The following ZMYND8 variants were observed in gnomAD, a reference collection of about 807,000 sequenced individuals.
ZMYND8 encodes the protein zinc finger MYND-type containing 8.
A neutral mutation model predicts 140.8 loss-of-function variants in ZMYND8; 37 were observed. That is an observed-to-expected ratio of 0.26 (90% CI 0.20 to 0.35). The LOEUF (loss-of-function observed/expected upper bound fraction) is 0.35, where lower values mean the gene tolerates loss of function less well. Ranked by LOEUF, ZMYND8 falls within the 10% of genes least tolerant of loss-of-function variation. The pLI, the probability that ZMYND8 is intolerant of heterozygous loss-of-function variation, is 1.00. For synonymous variants in ZMYND8, 592 were observed against 597.1 expected, an observed-to-expected ratio of 0.99 and a Z score of 0.12; for missense variants, 1,068 against 1,570.0, an observed-to-expected ratio of 0.68 and a Z score of 5.40.
rs774806100 is a variant in ZMYND8, at chr20:47,212,695, T to C, written c.3515A>G (p.Tyr1172Cys). Residue 1172 changes from tyrosine to cysteine, a missense_variant, in exon 22 of 23, where the codon TAT (tyrosine) becomes TGT (cysteine). Tyr to Cys is a radical substitution (Grantham distance 194). Transcript: ENST00000471951. Reference protein sequence around the residue: ...VSKRCDKQPAYAPTTTDHQPH... With the variant: ...VSKRCDKQPACAPTTTDHQPH... ...CTGGTGGTCTGTGGTGGTTGGGGCA[T>C]AGGCAGGTTGCTTGTCACACCTTTT... 5 of 1,613,286 alleles carry C rather than the reference T, an allele frequency of 3.1e-6. No homozygotes were observed. The highest frequency in any genetic ancestry group is 2.7e-5 in the African/African-American group (2 of 74,852).
rs2077784644 is a variant in ZMYND8, at chr20:47,298,408, G to A, written c.453+321C>T. 3.0e-6 allele frequency: 3 copies of A among 985,292 alleles called. No homozygotes were observed. Among genetic ancestry groups the A allele is most frequent in the Admixed American group, 1.2e-4 (2 of 16,260 alleles). 61.0% of individuals were successfully genotyped at this position (985,292 alleles called of 1,614,324 possible). On this transcript the variant is annotated intron_variant, in intron 4 of 22. Transcript: ENST00000471951. This position sits in a 1 kb window ranked among gnomAD's most constrained non-coding sequence, Gnocchi z 5.0. Reference sequence around the variant, plus strand: ...ACAGAATGAGATCTTTTCAAAATGTGTGAGCCGTTCATGATTTGGGAGTTA... The same window carrying A: ...ACAGAATGAGATCTTTTCAAAATGTATGAGCCGTTCATGATTTGGGAGTTA...
At chr20:47,316,653 G>C (rs1399822316) in intron 2 of ZMYND8, among the ~76,000 whole-genome samples, 1 of 151,408 alleles carries the variant, frequency 6.6e-6, no homozygotes, top group African/African-American at 2.4e-5. Context: ...AAATTAGCCA[G>C]GAGTGGTGGT....
At chr20:47,356,418 C>G in intron 1 of ZMYND8, 2 of 1,536,938 alleles carry the variant, frequency 1.3e-6, no homozygotes, top group Non-Finnish European at 1.7e-6. Context: ...ACACCATGCC[C>G]TGGTGGAAGG....
At chr20:47,342,846 C>CAAAAAAAAAAAAAAAAAAA (rs1041501318) in intron 2 of ZMYND8, among the ~76,000 whole-genome samples, 1 of 75,006 alleles carries the variant, frequency 1.3e-5, no homozygotes, top group Non-Finnish European at 2.8e-5. Flanking sequence ...GACTACATCT[C>CAAAAAAAAAAAAAAAAAAA]AAAAAAAAAA....
chr20:47,347,985 C>A, intron 1 of ZMYND8, 59 bp from the exon 2 acceptor site: 6 of 1,554,716 alleles, frequency 3.9e-6, no homozygotes, highest in Non-Finnish European at 4.4e-6. Context: ...CCCATGGGGG[C>A]AGCTATTTGG....
At chr20:47,311,163 C>A (rs1244620585) in intron 2 of ZMYND8, among the ~76,000 whole-genome samples, 2 of 152,182 alleles carry the variant, frequency 1.3e-5, no homozygotes, top group Non-Finnish European at 2.9e-5. Context: ...ACCCCACCCA[C>A]CGGGAAGTTC....
intron 4 of ZMYND8, among the ~76,000 whole-genome samples, chr20:47,297,250 G>A (rs2077701437): frequency 6.6e-6 from 1 of 151,954 alleles, no homozygotes; most frequent in African/African-American, 2.4e-5. Flanking sequence ...TCATCATATT[G>A]ATTTCATGTC....
At chr20:47,309,910 C>CT (rs35569832) in intron 3 of ZMYND8, 146 bp downstream of exon 3, 19,360 of 1,148,010 alleles carry the variant, frequency 0.017, 723 homozygotes, top group South Asian at 0.098. Context: ...TTTTAGCCAT[C>CT]TTTTTTTGTC....
At chr20:47,341,599 G>A (rs556515747) in intron 2 of ZMYND8, among the ~76,000 whole-genome samples, 4 of 151,720 alleles carry the variant, frequency 2.6e-5, no homozygotes, top group Admixed American at 6.6e-5. Flanking sequence ...GGCCAGGTGC[G>A]GTGGTTCATG....
At chr20:47,292,589 T>C (rs2077335863) in intron 5 of ZMYND8, among the ~76,000 whole-genome samples, 1 of 152,108 alleles carries the variant, frequency 6.6e-6, no homozygotes, top group Non-Finnish European at 1.5e-5. Context: ...CAGAATATAA[T>C]CTCAAAGCAA....
rs374552285 is a variant in ZMYND8 at position 47,240,753 on chromosome 20, G to A, written c.2285-1615C>T. ...TTATTTTCAGCAGAGACGGGGTTTC[G>A]CCATCTTGCCCAGGCTGGTCTTGAA... On this transcript the variant is annotated intron_variant, in intron 14 of 22. Coordinates refer to ENST00000471951, the MANE Select transcript of ZMYND8 (RefSeq NM_001281775.3). Among the ~76,000 whole-genome samples the A allele has an allele frequency of 7.3e-5, 11 of 151,086 alleles. No individual in the cohort carries two copies. In the East Asian group the frequency reaches 2.3e-3, roughly 32 times the overall value.
rs1451901380 is a variant in ZMYND8 at position 47,276,723 on chromosome 20, G to A, written c.1071C>T (p.Ser357=). 6.2e-7 allele frequency: 1 copy of A among 1,613,988 alleles called. No homozygotes were observed. The highest frequency in any genetic ancestry group is 1.1e-5 in the South Asian group (1 of 91,072). The change falls in exon 11 of 23, where the codon AGC becomes AGT. Residue 357 remains serine, a synonymous_variant. Coordinates refer to ENST00000471951, the MANE Select transcript of ZMYND8 (RefSeq NM_001281775.3). ...EIPFSVKKTK[S]IFNSAMQEME... is the part of the protein sequence containing the mutation. ...TCTCTTGCATGGCACTGTTGAAGAT[G>A]CTCTTAGTCTTTTTCACAGAAAAAG...
At chr20:47,321,557 T>C (rs969578972) in intron 2 of ZMYND8, among the ~76,000 whole-genome samples, 1 of 152,250 alleles carries the variant, frequency 6.6e-6, no homozygotes, top group African/African-American at 2.4e-5. Context: ...TCTCACCATG[T>C]GTAAACACAC....
chr20:47,287,354 C>G, intron 7 of ZMYND8, 70 bp from the exon 8 acceptor site: 1 of 1,300,168 alleles, frequency 7.7e-7, no homozygotes, highest in Non-Finnish European at 1.1e-6. Flanking sequence ...GACTTTACTT[C>G]CGCTAACAAT....
chr20:47,232,910 T>G (rs968726408), intron 16 of ZMYND8, among the ~76,000 whole-genome samples: 2 of 150,732 alleles, frequency 1.3e-5, no homozygotes, highest in African/African-American at 2.5e-5. Context: ...TTTTTTGTTT[T>G]TTTTTTTTTT....
At chr20:47,324,877 T>C (rs1283207712) in intron 2 of ZMYND8, among the ~76,000 whole-genome samples, 1 of 152,150 alleles carries the variant, frequency 6.6e-6, no homozygotes, top group Non-Finnish European at 1.5e-5. Context: ...TTTTTTCCCT[T>C]CATTACAGTC....
At chr20:47,297,554 T>TG (rs1383522114) in intron 4 of ZMYND8, among the ~76,000 whole-genome samples, 1 of 152,102 alleles carries the variant, frequency 6.6e-6, no homozygotes, top group Non-Finnish European at 1.5e-5. Flanking sequence ...CCCAAGTAGC[T>TG]GGGACTACAG....
At position 47,281,457 on chromosome 20, in the gene ZMYND8, G is replaced by A. The variant is rs1601567901; in HGVS notation, c.998+645C>T. Among the ~76,000 whole-genome samples, 3 of 152,198 alleles carry A rather than the reference G, an allele frequency of 2.0e-5. No individual in the cohort carries two copies. In the South Asian group the frequency reaches 6.2e-4, roughly 32 times the overall value. On this transcript the variant is annotated intron_variant, in intron 10 of 22. Transcript: ENST00000471951. ...TCATAACTTGATAAAAGAGAACTAA[G>A]ATATTAACCGCTGCTCATCTCTGCC...
intron 16 of ZMYND8, among the ~76,000 whole-genome samples, chr20:47,232,898 TTTTTTTTGTTTTTTTTTTTTTTTGA>T (rs2038713898): frequency 2.1e-5 from 1 of 46,810 alleles, no homozygotes; most frequent in African/African-American, 1.7e-4. Context: ...TTTTTTTTTG[TTTTTTTTGTTTTTTTTTTTTTTTGA>T]GACAGAGGAG....
Sources: gnomAD v4.1 joint callset for allele counts (sites outside exome capture counted in the v4.1 genomes callset) on GRCh38, gnomAD v4.1.1 for gene constraint, Gnocchi (gnomAD v3.1) non-coding constraint, MANE v1.5 for transcripts, NCBI Gene and HGNC (gene_info 2026-07-23, HGNC 2026-07-21) for gene names.